The following SLC4A8 variants were observed in gnomAD, a reference collection of about 807,000 sequenced individuals.
The protein encoded by SLC4A8 is solute carrier family 4 member 8.
Under a neutral mutation model 125.0 loss-of-function variants are expected in SLC4A8, and 40 were observed. The ratio of observed to expected loss-of-function variants is 0.32; its 90% confidence interval spans 0.25 to 0.42. The LOEUF is 0.42. SLC4A8 is among the 10% of genes least tolerant of loss of function. The pLI is 1.00. For missense variants in SLC4A8, 863 were observed against 1,355.1 expected (o/e 0.64, Z 5.70); for synonymous variants, 456 against 476.0 (o/e 0.96, Z 0.55).
intron 16 of SLC4A8, among the ~76,000 whole-genome samples, chr12:51,481,812 C>G (rs867901856): frequency 1.3e-5 from 2 of 151,666 alleles, no homozygotes; most frequent in African/African-American, 4.8e-5. Flanking sequence ...ATTAGCCAGG[C>G]GTGGTGGTGT....
At chr12:51,460,936 C>T (rs1950306687) in intron 8 of SLC4A8, among the ~76,000 whole-genome samples, 1 of 152,220 alleles carries the variant, frequency 6.6e-6, no homozygotes, top group Non-Finnish European at 1.5e-5. Context: ...ATCTTTTCTA[C>T]AGCTAGGAAT....
chr12:51,492,086 G>T lies in SLC4A8; in HGVS notation c.2701-1618G>T, dbSNP rs190038941. ...TATGAGAAGTGGGGCTAAAAGAGAG[G>T]TTTTTTTTGTTTTGTTTTGTTTTTG... On this transcript the variant is annotated intron_variant, in intron 19 of 24. Transcript: ENST00000453097. Among the ~76,000 whole-genome samples the T allele has an allele frequency of 6.8e-4, 104 of 152,024 alleles. No homozygotes were observed. In the East Asian group the frequency reaches 0.015, roughly 22 times the overall value.
intron 16 of SLC4A8, among the ~76,000 whole-genome samples, chr12:51,483,777 T>C (rs1951092507): frequency 6.6e-6 from 1 of 152,092 alleles, no homozygotes; most frequent in South Asian, 2.1e-4. Context: ...CTAGGGTACA[T>C]GTGCACAATG....
chr12:51,400,785 T>TAC (rs869278660), intron 1 of SLC4A8, among the ~76,000 whole-genome samples: 133 of 11,138 alleles, frequency 0.012, 2 homozygotes, highest in African/African-American at 0.042. Context: ...TATACATACA[T>TAC]ACACACACAC....
In SLC4A8 at chr12:51,509,868, C is replaced by T. The variant is rs1231770847; in HGVS notation, c.*2430C>T. On this transcript the variant is annotated 3_prime_UTR_variant, in exon 25 of 25. Coordinates refer to ENST00000453097, the MANE Select transcript of SLC4A8 (RefSeq NM_001039960.3). ...ATTTGGTGCGTTGTTGGGGTGAACT[C>T]CATGGGGAAGATTGTGAGTGAAGAT... The T allele has an allele frequency of 1.3e-5, 2 of 152,264 alleles. No individual in the cohort carries two copies. The highest frequency in any genetic ancestry group is 2.9e-5 in the Non-Finnish European group (2 of 68,070). The allele number at this position is 152,264 out of a possible 1,614,324, so 9.4% of individuals were successfully genotyped here. A position where few individuals can be genotyped will look rare whatever the true frequency, so the allele number is the denominator to read the frequency against.
At chr12:51,459,842 G>A (rs2138233726) in intron 7 of SLC4A8, 109 bp from the exon 8 acceptor site, 2 of 899,538 alleles carry the variant, frequency 2.2e-6, no homozygotes, top group African/African-American at 1.7e-5. Context: ...GCACTCCAGA[G>A]TGGGTGATGT....
intron 22 of SLC4A8, among the ~76,000 whole-genome samples, chr12:51,499,407 A>G (rs112234127): frequency 3.2e-4 from 49 of 151,904 alleles, no homozygotes; most frequent in African/African-American, 1.2e-3. Context: ...GTGTTGCTCT[A>G]TGTCTCTCTA....
chr12:51,398,107 T>C (rs1327427281), intron 1 of SLC4A8, among the ~76,000 whole-genome samples: 1 of 152,150 alleles, frequency 6.6e-6, no homozygotes, highest in Non-Finnish European at 1.5e-5. Context: ...GAGAATTTTA[T>C]AAGCACAGCA....
intron 7 of SLC4A8, 97 bp from the exon 8 acceptor site, chr12:51,459,854 G>A: frequency 9.5e-7 from 1 of 1,049,766 alleles, no homozygotes; most frequent in East Asian, 2.4e-5. Flanking sequence ...GGGTGATGTA[G>A]TGAGACTCTG....
At chr12:51,502,933 C>T (rs942683699) in intron 22 of SLC4A8, among the ~76,000 whole-genome samples, 2 of 151,656 alleles carry the variant, frequency 1.3e-5, no homozygotes, top group Non-Finnish European at 2.9e-5. Flanking sequence ...GCTCTGCCTC[C>T]CAGGTTCACG....
At chr12:51,434,494 G>A (rs1418277649) in intron 1 of SLC4A8, among the ~76,000 whole-genome samples, 2 of 152,186 alleles carry the variant, frequency 1.3e-5, no homozygotes, top group African/African-American at 2.4e-5. Context: ...GTTATTGACA[G>A]TGGCTCTGTT....
intron 14 of SLC4A8, among the ~76,000 whole-genome samples, chr12:51,472,513 A>G (rs563954422): frequency 1.5e-4 from 23 of 152,316 alleles, no homozygotes; most frequent in African/African-American, 5.1e-4. Flanking sequence ...ATTGGCTCCT[A>G]TTGGCATTAG....
intron 1 of SLC4A8, among the ~76,000 whole-genome samples, chr12:51,416,211 G>GT (rs57565585): frequency 0.035 from 2,898 of 82,480 alleles, 164 homozygotes; most frequent in African/African-American, 0.1. Context: ...GAGGTCTTTT[G>GT]TTTTTTTTTT....
intron 6 of SLC4A8, 113 bp downstream of exon 6, chr12:51,457,652 A>C: frequency 1.1e-6 from 1 of 919,472 alleles, no homozygotes. Context: ...TTCCATGTCC[A>C]CTTAGGCACT....
chr12:51,463,666 A>G lies in SLC4A8; in HGVS notation c.1301A>G (p.Gln434Arg), dbSNP rs1197243371. The G allele has an allele frequency of 1.6e-5, 26 of 1,614,058 alleles. No homozygotes were observed. Among genetic ancestry groups the G allele is most frequent in the Non-Finnish European group, 2.0e-5 (24 of 1,179,996 alleles). The change falls in exon 11 of 25, where the codon CAG (glutamine) becomes CGG (arginine). Residue 434 changes from glutamine to arginine, a missense_variant. By Grantham distance (43) the Gln-to-Arg change is conservative (BLOSUM62 1). Transcript: ENST00000453097. ...VPNGNVCHIE[Q>R]EPHGGHSGPE... is the part of the protein sequence containing the mutation. ...AATGGAAATGTTTGCCACATAGAAC[A>G]GGAACCACATGGGGGTCACAGTGGG...
chr12:51,506,321 C>T (rs6580840), intron 24 of SLC4A8, among the ~76,000 whole-genome samples: 57,187 of 152,114 alleles, frequency 0.38, 11,063 homozygotes, highest in East Asian at 0.45. Context: ...AGTACTGATA[C>T]ATTCTTTAAC....
chr12:51,488,614 A>G, intron 17 of SLC4A8, 85 bp from the exon 18 acceptor site: 13 of 1,043,702 alleles, frequency 1.2e-5, no homozygotes, highest in Non-Finnish European at 1.6e-5. Context: ...AATAAAAAGA[A>G]ATATGGATAT....
intron 2 of SLC4A8, among the ~76,000 whole-genome samples, chr12:51,446,865 A>G (rs1029878740): frequency 6.6e-6 from 1 of 152,222 alleles, no homozygotes; most frequent in Non-Finnish European, 1.5e-5. Flanking sequence ...TGTGTGAAAC[A>G]CTGTGCTTGA....
At chr12:51,400,775 T>C (rs1295196244) in intron 1 of SLC4A8, among the ~76,000 whole-genome samples, 64 of 5,186 alleles carry the variant, frequency 0.012, 4 homozygotes, top group African/African-American at 0.033. Context: ...TATATATATA[T>C]ATACATACAT....
Sources: gnomAD v4.1 joint callset for allele counts (sites outside exome capture counted in the v4.1 genomes callset) on GRCh38, gnomAD v4.1.1 for gene constraint, MANE v1.5 for transcripts, NCBI Gene and HGNC (gene_info 2026-07-23, HGNC 2026-07-21) for gene names.